AGAP1: variants seen among roughly 807,000 people sequenced by gnomAD.
The protein encoded by AGAP1 is arf-GAP with GTPase, ANK repeat and PH domain-containing protein 1.
AGAP1 carries 29 observed loss-of-function variants against 105.3 expected under a neutral mutation model. The observed-to-expected ratio is 0.28, with a 90% CI of 0.21 to 0.38. AGAP1 has a LOEUF of 0.38. Ranked by LOEUF, AGAP1 falls within the 10% of genes least tolerant of loss-of-function variation. The pLI is 1.00. For missense variants in AGAP1, 998 were observed against 1,165.1 expected, an observed-to-expected ratio of 0.86 and a Z score of 2.09; for synonymous variants, 509 against 485.9, an observed-to-expected ratio of 1.05 and a Z score of -0.63.
chr2:235,549,223 A>G lies in AGAP1; in HGVS notation c.163+54374A>G, dbSNP rs1401470655. ...TCCAGACCTTTTATTTCTAAGGAAT[A>G]CAAACTAGAAGGGCCTGGTTTCTGT... On this transcript the variant is annotated intron_variant, in intron 1 of 17. Coordinates refer to ENST00000304032, the MANE Select transcript of AGAP1 (RefSeq NM_001037131.3). The surrounding 1 kb of genome is among the most constrained non-coding windows in gnomAD (Gnocchi z 4.2). Among the ~76,000 whole-genome samples, 2 of 152,206 alleles carry G rather than the reference A, an allele frequency of 1.3e-5. No individual in the cohort carries two copies. The highest frequency in any genetic ancestry group is 4.8e-5 in the African/African-American group (2 of 41,450).
chr2:235,696,062 T>C (rs1305603502), intron 1 of AGAP1, among the ~76,000 whole-genome samples: 2 of 152,186 alleles, frequency 1.3e-5, no homozygotes, highest in Non-Finnish European at 2.9e-5. Context: ...ACCATTTTTC[T>C]TGAGACGGAG....
chr2:235,641,343 C>T (rs1471633010), intron 1 of AGAP1, among the ~76,000 whole-genome samples: 1 of 148,710 alleles, frequency 6.7e-6, no homozygotes, highest in Admixed American at 6.7e-5. Context: ...TCCCTCTCTT[C>T]CTTCCTTCCT....
intron 1 of AGAP1, among the ~76,000 whole-genome samples, chr2:235,497,889 C>T (rs1031859233): frequency 6.6e-5 from 10 of 152,090 alleles, no homozygotes; most frequent in South Asian, 6.2e-4. Flanking sequence ...AGCCACCGTG[C>T]CCGGCCGGGC....
At chr2:235,928,623 A>G (rs1047012064) in intron 11 of AGAP1, among the ~76,000 whole-genome samples, 10 of 152,164 alleles carry the variant, frequency 6.6e-5, no homozygotes, top group Non-Finnish European at 1.3e-4. Context: ...ATGTGAAGGG[A>G]TGTAGCAGGA....
At chr2:236,111,570 C>G (rs977346220) in intron 16 of AGAP1, among the ~76,000 whole-genome samples, 1 of 151,840 alleles carries the variant, frequency 6.6e-6, no homozygotes, top group Non-Finnish European at 1.5e-5. Context: ...GCAGGTGGAT[C>G]ACTTGAGTCC....
chr2:235,502,819 A>AT (rs1354686290), intron 1 of AGAP1, among the ~76,000 whole-genome samples: 1 of 151,002 alleles, frequency 6.6e-6, no homozygotes, highest in Non-Finnish European at 1.5e-5. Context: ...AAATGTCAGC[A>AT]TTCAACAGGC....
intron 1 of AGAP1, among the ~76,000 whole-genome samples, chr2:235,598,251 G>C (rs1574934353): frequency 6.6e-6 from 1 of 152,180 alleles, no homozygotes; most frequent in South Asian, 2.1e-4. Flanking sequence ...ACAGCGCCCT[G>C]GTTCCTGCCT....
chr2:235,527,041 A>T (rs1192699978), intron 1 of AGAP1, among the ~76,000 whole-genome samples: 5 of 152,220 alleles, frequency 3.3e-5, no homozygotes, highest in African/African-American at 1.2e-4. Context: ...GCAAAACTGT[A>T]TCAAGCAAAA....
intron 9 of AGAP1, among the ~76,000 whole-genome samples, chr2:235,869,420 TAAAA>T (rs35813316): frequency 1.2e-4 from 6 of 49,958 alleles, no homozygotes; most frequent in Non-Finnish European, 1.9e-4. Flanking sequence ...CCATCTCTAC[TAAAA>T]AAAAAAAAAA....
In AGAP1 at chr2:235,988,505, A is replaced by G. The variant is rs2055417978; in HGVS notation, c.1645+19882A>G. Among the ~76,000 whole-genome samples the G allele has an allele frequency of 6.6e-6, 1 of 152,084 alleles. No individual in the cohort carries two copies. The highest frequency in any genetic ancestry group is 2.4e-5 in the African/African-American group (1 of 41,400). ...GAAGTGATTTCTGAACTTTAGCGTA[A>G]GTGTTCTCTGGCAGGTATGGCTGTT... On this transcript the variant is annotated intron_variant, in intron 13 of 17. Transcript: ENST00000304032. The surrounding 1 kb of genome is among the most constrained non-coding windows in gnomAD (Gnocchi z 4.7).
rs2056158393 is a variant in AGAP1 at position 236,002,369 on chromosome 2, C to T, written c.1645+33746C>T. On this transcript the variant is annotated intron_variant, in intron 13 of 17. Transcript: ENST00000304032. This position sits in a 1 kb window ranked among gnomAD's most constrained non-coding sequence, Gnocchi z 4.3. ...AGTCTGCAAATGACTTTCCTTCTTC[C>T]CTCATCCCCTTTCCCATCCTCACTC... Among the ~76,000 whole-genome samples, 1 of 152,186 alleles carries T rather than the reference C, an allele frequency of 6.6e-6. No individual in the cohort carries two copies. The highest frequency in any genetic ancestry group is 2.4e-5 in the African/African-American group (1 of 41,430).
Position 235,717,640 on chromosome 2 carries a change from G to A in AGAP1, c.306G>A (p.Pro102=), listed in dbSNP as rs772565738. The A allele has an allele frequency of 2.9e-5, 46 of 1,600,430 alleles. No homozygotes were observed. The East Asian group carries it at 4.7e-4, about 17-fold the overall frequency. ...LTGTYVQEES[P]EGGRFKKEIV... is the part of the protein sequence containing the mutation. ...GCACATATGTCCAGGAGGAGTCTCCGGAAGGTATGCTGTTTGGCAGGCAGT... is the reference window on the plus strand; with the variant it reads ...GCACATATGTCCAGGAGGAGTCTCCAGAAGGTATGCTGTTTGGCAGGCAGT... Residue 102 remains proline, a synonymous_variant, in exon 3 of 18, where the codon CCG becomes CCA. Transcript: ENST00000304032.
rs118071457 is a variant in AGAP1, at chr2:235,833,206, G to A, written c.1050+25875G>A. Among the ~76,000 whole-genome samples, 58 of 152,352 alleles carry A rather than the reference G, an allele frequency of 3.8e-4. No homozygotes were observed. The East Asian group carries it at 7.0e-3, about 18-fold the overall frequency. On this transcript the variant is annotated intron_variant, in intron 9 of 17. Coordinates refer to ENST00000304032, the MANE Select transcript of AGAP1 (RefSeq NM_001037131.3). ...ATTGGAGCAGTGCTGTGGAAGCACCGTCGGCCTGCCGCCGTGCTGAGTGAT... is the reference window on the plus strand; with the variant it reads ...ATTGGAGCAGTGCTGTGGAAGCACCATCGGCCTGCCGCCGTGCTGAGTGAT...
At chr2:235,861,097 C>T (rs930813181) in intron 9 of AGAP1, among the ~76,000 whole-genome samples, 2 of 152,210 alleles carry the variant, frequency 1.3e-5, no homozygotes, top group African/African-American at 4.8e-5. Flanking sequence ...ATAGTATGTA[C>T]TGTGTGAGTC....
intron 6 of AGAP1, among the ~76,000 whole-genome samples, chr2:235,773,194 A>G (rs1955591600): frequency 6.6e-6 from 1 of 152,190 alleles, no homozygotes; most frequent in African/African-American, 2.4e-5. Context: ...GGGTTTAAAT[A>G]TCCTCTAGAG....
chr2:235,757,476 A>C (rs1001715980), intron 6 of AGAP1, among the ~76,000 whole-genome samples: 1 of 152,110 alleles, frequency 6.6e-6, no homozygotes, highest in Admixed American at 6.5e-5. Context: ...GTCCTGGTGG[A>C]TGGGTGTTTA....
Position 236,014,856 on chromosome 2 carries a change from A to ACAG in AGAP1, c.1646-21696_1646-21694dup. 4.4e-6 allele frequency: 2 copies of ACAG among 452,670 alleles called. No homozygotes were observed. The highest frequency in any genetic ancestry group is 3.2e-5 in the South Asian group (2 of 61,946). 28.0% of individuals were successfully genotyped at this position (452,670 alleles called of 1,614,324 possible). A position where few individuals can be genotyped will look rare whatever the true frequency, so the allele number is the denominator to read the frequency against. On this transcript the variant is annotated intron_variant, in intron 13 of 17. Coordinates refer to ENST00000304032, the MANE Select transcript of AGAP1 (RefSeq NM_001037131.3). This position sits in a 1 kb window ranked among gnomAD's most constrained non-coding sequence, Gnocchi z 6.3. The stretch of plus-strand genomic sequence containing the variant: ...CGTGTTGGTAGCCTGCGAAATATAT[A>ACAG]CAGCAGCAGCACCAACACTGAAGGT...
At chr2:235,710,203 C>T (rs1455234019) in intron 2 of AGAP1, among the ~76,000 whole-genome samples, 5 of 152,192 alleles carry the variant, frequency 3.3e-5, no homozygotes. Context: ...ACCCCAACCT[C>T]ATTGCATGCT....
intron 1 of AGAP1, among the ~76,000 whole-genome samples, chr2:235,572,399 A>G: frequency 6.6e-6 from 1 of 151,992 alleles, no homozygotes; most frequent in Non-Finnish European, 1.5e-5. Flanking sequence ...CTGGTGGGGT[A>G]GTTCTTCAGG....
Sources: gnomAD v4.1 joint callset for allele counts (sites outside exome capture counted in the v4.1 genomes callset) on GRCh38, gnomAD v4.1.1 for gene constraint, Gnocchi (gnomAD v3.1) non-coding constraint, MANE v1.5 for transcripts, NCBI Gene and HGNC (gene_info 2026-07-23, HGNC 2026-07-21) for gene names.